PTPRM: variants seen among roughly 807,000 people sequenced by gnomAD.
PTPRM encodes receptor-type tyrosine-protein phosphatase mu.
Under a neutral mutation model 186.7 loss-of-function variants are expected in PTPRM, and 47 were observed. The ratio of observed to expected loss-of-function variants is 0.25; its 90% confidence interval spans 0.20 to 0.32. The LOEUF is 0.32. Ranked by LOEUF, PTPRM falls within the 10% of genes least tolerant of loss-of-function variation. The probability of loss-of-function intolerance (pLI) is 1.00; values close to 1 mark genes in which losing one functional copy is unlikely to be tolerated. For synonymous variants in PTPRM, 668 were observed against 674.9 expected, an observed-to-expected ratio of 0.99 and a Z score of 0.16; for missense variants, 1,494 against 1,865.0, an observed-to-expected ratio of 0.80 and a Z score of 3.66.
chr18:7,600,691 C>T (rs2037378871), intron 1 of PTPRM, among the ~76,000 whole-genome samples: 1 of 152,254 alleles, frequency 6.6e-6, no homozygotes, highest in Admixed American at 6.5e-5. Flanking sequence ...TCCCCTGCTT[C>T]CTCACTAGCT....
At chr18:7,734,669 A>G (rs867377157) in intron 1 of PTPRM, among the ~76,000 whole-genome samples, 100 of 152,312 alleles carry the variant, frequency 6.6e-4, no homozygotes, top group African/African-American at 1.7e-3. Flanking sequence ...AATGGCATGG[A>G]ATTTTACTAC....
chr18:7,699,614 T>A (rs779790929), intron 1 of PTPRM, among the ~76,000 whole-genome samples: 13 of 152,098 alleles, frequency 8.5e-5, no homozygotes, highest in Non-Finnish European at 1.5e-4. Flanking sequence ...TTCACTATGT[T>A]GGCCAGGCTG....
chr18:8,307,378 A>G (rs969518589), intron 20 of PTPRM, among the ~76,000 whole-genome samples: 1 of 152,076 alleles, frequency 6.6e-6, no homozygotes, highest in African/African-American at 2.4e-5. Flanking sequence ...CTTGAGACTT[A>G]CCCCACGCTC....
chr18:8,260,042 G>A (rs2094612503), intron 19 of PTPRM, among the ~76,000 whole-genome samples: 1 of 152,082 alleles, frequency 6.6e-6, no homozygotes, highest in South Asian at 2.1e-4. Context: ...TCGGTCATTT[G>A]TAAAGAAAAA....
rs183219834 is a variant in PTPRM at position 8,276,091 on chromosome 18, A to C, written c.2755-20277A>C. On this transcript the variant is annotated intron_variant, in intron 19 of 32. Transcript: ENST00000580170. Reference sequence around the variant, plus strand: ...GCCCATTTCTGTTCTCTACCTTTCCAAGTCCTTTAGGTTGGTTCCACTAGG... The same window carrying C: ...GCCCATTTCTGTTCTCTACCTTTCCCAGTCCTTTAGGTTGGTTCCACTAGG... Among the ~76,000 whole-genome samples the C allele has an allele frequency of 2.7e-5, 4 of 147,088 alleles. No homozygotes were observed. The East Asian group carries it at 7.9e-4, about 29-fold the overall frequency.
At chr18:8,211,645 C>T (rs960090161) in intron 14 of PTPRM, among the ~76,000 whole-genome samples, 11 of 152,002 alleles carry the variant, frequency 7.2e-5, no homozygotes, top group African/African-American at 9.7e-5. Flanking sequence ...CCTCGTGATC[C>T]GCCTGCCTCG....
chr18:7,928,555 C>A (rs1031738745), intron 5 of PTPRM, among the ~76,000 whole-genome samples: 1 of 152,106 alleles, frequency 6.6e-6, no homozygotes, highest in Non-Finnish European at 1.5e-5. Flanking sequence ...GTATTAAGCA[C>A]CTTTTAAAAA....
intron 14 of PTPRM, among the ~76,000 whole-genome samples, chr18:8,242,825 A>G (rs2094444318): frequency 1.3e-5 from 2 of 152,196 alleles, no homozygotes; most frequent in South Asian, 4.1e-4. Flanking sequence ...TGCATTAGCA[A>G]TCACCTAATA....
At chr18:7,595,445 G>T (rs1029796077) in intron 1 of PTPRM, among the ~76,000 whole-genome samples, 7 of 152,140 alleles carry the variant, frequency 4.6e-5, no homozygotes, top group Admixed American at 3.9e-4. Flanking sequence ...GTAAGTGTTG[G>T]GGAATGTCTG....
chr18:7,857,123 C>T (rs1046964162), intron 2 of PTPRM, among the ~76,000 whole-genome samples: 1 of 152,094 alleles, frequency 6.6e-6, no homozygotes, highest in African/African-American at 2.4e-5. Flanking sequence ...CTTTTCTCTG[C>T]TGTGGGAAAT....
chr18:8,297,193 A>T (rs981338482), intron 20 of PTPRM, among the ~76,000 whole-genome samples: 5 of 152,236 alleles, frequency 3.3e-5, no homozygotes, highest in African/African-American at 1.2e-4. Context: ...GGCCCGCTGT[A>T]GTCGCCTAAC....
intron 1 of PTPRM, among the ~76,000 whole-genome samples, chr18:7,705,905 C>G: frequency 6.7e-6 from 1 of 149,956 alleles, no homozygotes; most frequent in East Asian, 1.9e-4. Flanking sequence ...GTTTTTCTTA[C>G]AGTTTCTTTA....
At chr18:7,909,497 T>A (rs574910324) in intron 4 of PTPRM, among the ~76,000 whole-genome samples, 1 of 152,208 alleles carries the variant, frequency 6.6e-6, no homozygotes, top group African/African-American at 2.4e-5. Context: ...GGGGGAAGCA[T>A]GCAAATAAAG....
chr18:8,304,886 C>T (rs569933646), intron 20 of PTPRM, among the ~76,000 whole-genome samples: 3 of 147,286 alleles, frequency 2.0e-5, no homozygotes, highest in African/African-American at 7.5e-5. Flanking sequence ...TTTCTAATTA[C>T]AAAGATAATA....
rs545303232 is a variant in PTPRM at position 7,833,969 on chromosome 18, T to A, written c.197-54137T>A. On this transcript the variant is annotated intron_variant, in intron 2 of 32. Transcript: ENST00000580170. ...CTTAATTTCAGTTCTCTTGCCTGATTGTTCTAGCTAGGACTTCCAGTACTA... is the reference window on the plus strand; with the variant it reads ...CTTAATTTCAGTTCTCTTGCCTGATAGTTCTAGCTAGGACTTCCAGTACTA... Among the ~76,000 whole-genome samples, 10 of 152,316 alleles carry A rather than the reference T, an allele frequency of 6.6e-5. No homozygotes were observed. In the East Asian group the frequency reaches 1.5e-3, roughly 24 times the overall value.
rs1340187792 is a variant in PTPRM, at chr18:7,915,444, CA to C, written c.547+8863del. Among the ~76,000 whole-genome samples, 4 of 151,904 alleles carry C rather than the reference CA, an allele frequency of 2.6e-5. No homozygotes were observed. The East Asian group carries it at 7.7e-4, about 29-fold the overall frequency. The stretch of plus-strand genomic sequence containing the variant: ...TGATGTTACAATTAAAGTAGTATGG[CA>C]AGATTCAGAGCATACAGCTCAGCAT... On this transcript the variant is annotated intron_variant, in intron 4 of 32. Coordinates refer to ENST00000580170, the MANE Select transcript of PTPRM (RefSeq NM_001105244.2).
intron 1 of PTPRM, among the ~76,000 whole-genome samples, chr18:7,771,133 A>T (rs2042251961): frequency 6.6e-6 from 1 of 152,192 alleles, no homozygotes; most frequent in Non-Finnish European, 1.5e-5. Context: ...TTTTAGTGCA[A>T]TAGTGGTTTT....
intron 1 of PTPRM, among the ~76,000 whole-genome samples, chr18:7,590,162 A>G (rs947057275): frequency 6.6e-6 from 1 of 152,212 alleles, no homozygotes; most frequent in African/African-American, 2.4e-5. Flanking sequence ...TACCGAAGAA[A>G]ATGACGAAGC....
At chr18:8,294,540 C>T (rs2095074659) in intron 19 of PTPRM, among the ~76,000 whole-genome samples, 2 of 152,112 alleles carry the variant, frequency 1.3e-5, no homozygotes, top group African/African-American at 2.4e-5. Context: ...AGGTCCCTCC[C>T]ACAACACATG....
Sources: allele counts gnomAD v4.1 joint callset (sites outside exome capture counted in the v4.1 genomes callset), GRCh38; gene constraint gnomAD v4.1.1; transcripts MANE v1.5; gene names NCBI Gene and HGNC (gene_info 2026-07-23, HGNC 2026-07-21).